ATRNL1: variants seen among roughly 807,000 people sequenced by gnomAD.
ATRNL1 encodes the protein attractin-like protein 1.
Under a neutral mutation model 182.7 loss-of-function variants are expected in ATRNL1, and 95 were observed. The observed-to-expected ratio is 0.52, with a 90% CI of 0.44 to 0.62. ATRNL1 has a LOEUF of 0.62. ATRNL1 is among the 20% of genes least tolerant of loss of function. ATRNL1 has a pLI of 0.00. For synonymous variants in ATRNL1, 576 were observed against 568.3 expected, an observed-to-expected ratio of 1.01 and a Z score of -0.19; for missense variants, 1,471 against 1,679.5, an observed-to-expected ratio of 0.88 and a Z score of 2.17.
chr10:115,830,358 A>G (rs1950532757), intron 27 of ATRNL1, among the ~76,000 whole-genome samples: 1 of 152,128 alleles, frequency 6.6e-6, no homozygotes, highest in South Asian at 2.1e-4. Flanking sequence ...AGCAAGATCA[A>G]CCTCCTCATT....
intron 28 of ATRNL1, among the ~76,000 whole-genome samples, chr10:115,935,533 T>A (rs1234626487): frequency 6.6e-6 from 1 of 152,170 alleles, no homozygotes; most frequent in African/African-American, 2.4e-5. Context: ...TTCTTATGGC[T>A]GCAAATGAGC....
chr10:115,476,526 A>T (rs761979211), intron 24 of ATRNL1, among the ~76,000 whole-genome samples: 1 of 150,858 alleles, frequency 6.6e-6, no homozygotes, highest in Non-Finnish European at 1.5e-5. Flanking sequence ...TCTTTTTTTA[A>T]TATTGTCAGA....
chr10:115,676,399 A>T (rs1378540606), intron 26 of ATRNL1, among the ~76,000 whole-genome samples: 1 of 152,092 alleles, frequency 6.6e-6, no homozygotes, highest in Non-Finnish European at 1.5e-5. Flanking sequence ...CATCTGCAAT[A>T]CATGTCTTAT....
At position 115,763,094 on chromosome 10, in the gene ATRNL1, T is replaced by G. The variant is rs187453590; in HGVS notation, c.3903+35739T>G. Reference sequence around the variant, plus strand: ...TGCAATAAATATACTCAGATTCTTATCAGTGAGTTTTTTTGTTTTGCGTAT... The same window carrying G: ...TGCAATAAATATACTCAGATTCTTAGCAGTGAGTTTTTTTGTTTTGCGTAT... On this transcript the variant is annotated intron_variant, in intron 27 of 28. Transcript: ENST00000355044. 2.8e-3 allele frequency among the ~76,000 whole-genome samples: 425 copies of G among 152,320 alleles called. 2 individuals are homozygous for G. Among genetic ancestry groups the G allele is most frequent in the African/African-American group, 9.6e-3 (398 of 41,584 alleles).
chr10:115,293,596 A>G (rs1422677037), intron 15 of ATRNL1, among the ~76,000 whole-genome samples: 1 of 152,018 alleles, frequency 6.6e-6, no homozygotes, highest in Non-Finnish European at 1.5e-5. Flanking sequence ...GTTGGTTATC[A>G]TCTTTTCTGT....
intron 26 of ATRNL1, among the ~76,000 whole-genome samples, chr10:115,651,120 A>C (rs1859969850): frequency 6.6e-6 from 1 of 152,144 alleles, no homozygotes; most frequent in South Asian, 2.1e-4. Flanking sequence ...ATTGGCCACG[A>C]CTTAGTTTAT....
chr10:115,325,607 C>T (rs1008771456), intron 18 of ATRNL1, among the ~76,000 whole-genome samples: 1 of 152,132 alleles, frequency 6.6e-6, no homozygotes, highest in Non-Finnish European at 1.5e-5. Context: ...TTATACTTTC[C>T]ACCAGATGGA....
chr10:115,641,175 C>T (rs1422158938), intron 26 of ATRNL1, among the ~76,000 whole-genome samples: 1 of 152,126 alleles, frequency 6.6e-6, no homozygotes, highest in Non-Finnish European at 1.5e-5. Flanking sequence ...ATTGAAGAAA[C>T]AGCAAAACAA....
intron 27 of ATRNL1, among the ~76,000 whole-genome samples, chr10:115,751,824 T>G (rs1240770744): frequency 6.6e-6 from 1 of 152,064 alleles, no homozygotes; most frequent in African/African-American, 2.4e-5. Flanking sequence ...TAAGTATACC[T>G]TTACCTACAC....
intron 26 of ATRNL1, among the ~76,000 whole-genome samples, chr10:115,683,519 A>G (rs1593061974): frequency 6.9e-6 from 1 of 145,368 alleles, no homozygotes; most frequent in Non-Finnish European, 1.5e-5. Flanking sequence ...CCTACAAGCA[A>G]GGTATATGGG....
intron 27 of ATRNL1, among the ~76,000 whole-genome samples, chr10:115,729,966 G>T (rs1947739232): frequency 6.6e-6 from 1 of 151,648 alleles, no homozygotes; most frequent in African/African-American, 2.4e-5. Context: ...TTTTCAAAGA[G>T]AAACTTTGGG....
chr10:115,421,985 C>A (rs1592633555), intron 20 of ATRNL1, among the ~76,000 whole-genome samples: 1 of 152,110 alleles, frequency 6.6e-6, no homozygotes, highest in African/African-American at 2.4e-5. Flanking sequence ...TAATACCTGG[C>A]TAGCCATATG....
At chr10:115,418,766 T>G (rs997564031) in intron 20 of ATRNL1, among the ~76,000 whole-genome samples, 1 of 152,122 alleles carries the variant, frequency 6.6e-6, no homozygotes, top group Admixed American at 6.6e-5. Context: ...AGCAGAAACC[T>G]TTCAGGGCAG....
At chr10:115,410,116 A>C (rs941831924) in intron 20 of ATRNL1, among the ~76,000 whole-genome samples, 2 of 151,794 alleles carry the variant, frequency 1.3e-5, no homozygotes. Flanking sequence ...ATATTGTTGG[A>C]TTTGATTTGC....
At chr10:115,790,376 T>C (rs1358439744) in intron 27 of ATRNL1, among the ~76,000 whole-genome samples, 1 of 152,196 alleles carries the variant, frequency 6.6e-6, no homozygotes, top group Non-Finnish European at 1.5e-5. Context: ...GTTCTGACCC[T>C]GAATAAATGG....
At chr10:115,907,316 G>A (rs893591162) in intron 28 of ATRNL1, among the ~76,000 whole-genome samples, 5 of 152,210 alleles carry the variant, frequency 3.3e-5, no homozygotes, top group Non-Finnish European at 7.3e-5. Context: ...CAGTTTCTAT[G>A]GTAACCTTAA....
At chr10:115,174,235 G>A (rs1046493426) in intron 8 of ATRNL1, among the ~76,000 whole-genome samples, 1 of 151,590 alleles carries the variant, frequency 6.6e-6, no homozygotes, top group Non-Finnish European at 1.5e-5. Flanking sequence ...CTCTGGAAAT[G>A]TAATTTTCTT....
intron 25 of ATRNL1, among the ~76,000 whole-genome samples, chr10:115,535,280 C>A (rs1200715430): frequency 6.6e-6 from 1 of 152,154 alleles, no homozygotes; most frequent in African/African-American, 2.4e-5. Flanking sequence ...CACATAATCC[C>A]ATATTTCTTG....
chr10:115,259,172 T>G (rs1851290178), intron 10 of ATRNL1, among the ~76,000 whole-genome samples: 1 of 152,232 alleles, frequency 6.6e-6, no homozygotes, highest in Non-Finnish European at 1.5e-5. Flanking sequence ...ACAGGGACTT[T>G]TAAGTCTGCA....
Sources: allele counts gnomAD v4.1 joint callset (sites outside exome capture counted in the v4.1 genomes callset), GRCh38; gene constraint gnomAD v4.1.1; transcripts MANE v1.5; gene names NCBI Gene and HGNC (gene_info 2026-07-23, HGNC 2026-07-21).